Variants in TBCD observed in about 807,000 individuals in gnomAD.
TBCD encodes the protein tubulin folding cofactor D.
Under a neutral mutation model 169.3 loss-of-function variants are expected in TBCD, and 105 were observed. That is an observed-to-expected ratio of 0.62 (90% CI 0.53 to 0.73). The LOEUF (loss-of-function observed/expected upper bound fraction) is 0.73. Ranked by LOEUF, TBCD falls within the 30% of genes least tolerant of loss-of-function variation. The pLI is 0.00. For synonymous variants in TBCD, 700 were observed against 643.9 expected, an observed-to-expected ratio of 1.09 and a Z score of -1.32; for missense variants, 1,444 against 1,600.1, an observed-to-expected ratio of 0.90 and a Z score of 1.66.
chr17:82,914,516 G>A (rs913341962), intron 23 of TBCD, among the ~76,000 whole-genome samples: 2 of 152,188 alleles, frequency 1.3e-5, no homozygotes, highest in African/African-American at 2.4e-5. Flanking sequence ...GCTGGAGTGC[G>A]GTGTTTGCAC....
At chr17:82,896,615 G>A (rs914160300) in intron 17 of TBCD, among the ~76,000 whole-genome samples, 1 of 151,890 alleles carries the variant, frequency 6.6e-6, no homozygotes, top group South Asian at 2.1e-4. Flanking sequence ...ACAGGCACAC[G>A]CCACCACGCC....
At chr17:82,919,434 T>C (rs536035409) in intron 23 of TBCD, among the ~76,000 whole-genome samples, 48 of 152,244 alleles carry the variant, frequency 3.2e-4, no homozygotes, top group African/African-American at 1.1e-3. Flanking sequence ...AGAATAAACG[T>C]CTGTTCTACA....
chr17:82,910,297 G>A lies in TBCD; in HGVS notation c.2006+990G>A, dbSNP rs150187402. 3.8e-3 allele frequency among the ~76,000 whole-genome samples: 581 copies of A among 152,320 alleles called. 5 individuals are homozygous for A. The highest frequency in any genetic ancestry group is 0.014 in the African/African-American group (565 of 41,560). ...TCGGCTCTGAACGTGGGCCCTCTGGGTGAGTAGAGGCCTCTCGCTGCTGCT... is the reference window on the plus strand; with the variant it reads ...TCGGCTCTGAACGTGGGCCCTCTGGATGAGTAGAGGCCTCTCGCTGCTGCT... On this transcript the variant is annotated intron_variant, in intron 22 of 38. Transcript: ENST00000355528.
chr17:82,828,870 G>C (rs911213201), intron 13 of TBCD, among the ~76,000 whole-genome samples: 6 of 145,206 alleles, frequency 4.1e-5, no homozygotes, highest in African/African-American at 1.5e-4. Flanking sequence ...ATGTACACAT[G>C]CACACTAACA....
chr17:82,795,671 T>A, intron 7 of TBCD: 1 of 915,042 alleles, frequency 1.1e-6, no homozygotes, highest in Non-Finnish European at 1.3e-6. Context: ...GTGGCATCAG[T>A]GACAGCCGCA....
intron 11 of TBCD, among the ~76,000 whole-genome samples, chr17:82,809,192 C>T (rs1467056404): frequency 6.6e-6 from 1 of 152,060 alleles, no homozygotes; most frequent in Non-Finnish European, 1.5e-5. Context: ...CAGGCCTTCC[C>T]AGTGTCCTTC....
In TBCD at chr17:82,766,281, A is replaced by G. The variant is rs757905191; in HGVS notation, c.348A>G (p.Lys116=). The G allele has an allele frequency of 2.0e-5, 32 of 1,611,834 alleles. No individual in the cohort carries two copies. In the South Asian group the frequency reaches 3.1e-4, roughly 16 times the overall value. ...TTATTTGATAGGTTCGAGGCTATAA[A>G]ACATTTCTTCGTTTATTTCCTCATG... ...LYIITKVRGY[K]TFLRLFPHEV... is the part of the protein sequence containing the mutation. Residue 116 remains lysine, a synonymous_variant, in exon 4 of 39, where the codon AAA becomes AAG. Transcript: ENST00000355528.
intron 8 of TBCD, among the ~76,000 whole-genome samples, chr17:82,800,087 C>A (rs1268012621): frequency 6.6e-6 from 1 of 150,476 alleles, no homozygotes; most frequent in East Asian, 2.0e-4. Context: ...CCTCACCTAA[C>A]TCTCAGCTCT....
At chr17:82,940,828 G>T (rs903229770) in intron 37 of TBCD, among the ~76,000 whole-genome samples, 17 of 152,312 alleles carry the variant, frequency 1.1e-4, no homozygotes, top group African/African-American at 3.9e-4. Flanking sequence ...GAAGAAGCCA[G>T]GTGTCCCGAG....
At chr17:82,771,077 C>T (rs1338729755) in intron 5 of TBCD, among the ~76,000 whole-genome samples, 4 of 149,302 alleles carry the variant, frequency 2.7e-5, no homozygotes, top group Non-Finnish European at 4.4e-5. Context: ...AAAGCCTGCC[C>T]CAGAAAAAAA....
At position 82,915,133 on chromosome 17, in the gene TBCD, G is replaced by A. The variant is rs933478837; in HGVS notation, c.2038+3344G>A. Among the ~76,000 whole-genome samples, 1 of 152,128 alleles carries A rather than the reference G, an allele frequency of 6.6e-6. No individual in the cohort carries two copies. Among genetic ancestry groups the A allele is most frequent in the African/African-American group, 2.4e-5 (1 of 41,426 alleles). On this transcript the variant is annotated intron_variant, in intron 23 of 38. Transcript: ENST00000355528. This position sits in a 1 kb window ranked among gnomAD's most constrained non-coding sequence, Gnocchi z 4.3. Reference sequence around the variant, plus strand: ...TCTGCGGGTTCACGGGCTACATGTGGGAGACGGGGAGGGGCTGCTGGTCAC... The same window carrying A: ...TCTGCGGGTTCACGGGCTACATGTGAGAGACGGGGAGGGGCTGCTGGTCAC...
intron 13 of TBCD, among the ~76,000 whole-genome samples, chr17:82,844,617 TC>T (rs527947106): frequency 9.2e-5 from 14 of 152,114 alleles, no homozygotes; most frequent in Non-Finnish European, 1.8e-4. Context: ...ACTTCCAGGC[TC>T]CTCCGTGGTC....
chr17:82,780,499 C>T (rs978865208), intron 6 of TBCD, among the ~76,000 whole-genome samples: 1 of 151,868 alleles, frequency 6.6e-6, no homozygotes, highest in East Asian at 2.0e-4. Flanking sequence ...GTGGCGTGCG[C>T]TTGTAGTCCC....
intron 1 of TBCD, among the ~76,000 whole-genome samples, chr17:82,753,640 G>C (rs1185194304): frequency 6.8e-6 from 1 of 146,844 alleles, no homozygotes; most frequent in Non-Finnish European, 1.5e-5. Context: ...ATTTTTAGTA[G>C]AGGGGGTTTC....
In TBCD at chr17:82,893,937, C is replaced by T. The variant is rs371227232; in HGVS notation, c.1649+305C>T. ...CTCTGCTTATGATTTTTCTCCTGGT[C>T]GCCCCGTTTTACCCGTGCTGGTTCT... On this transcript the variant is annotated intron_variant, in intron 17 of 38. Transcript: ENST00000355528. Among the ~76,000 whole-genome samples, 10 of 152,214 alleles carry T rather than the reference C, an allele frequency of 6.6e-5. No individual in the cohort carries two copies. In the East Asian group the frequency reaches 9.6e-4, roughly 15 times the overall value.
chr17:82,752,510 G>A (rs2047152982), intron 1 of TBCD, 133 bp downstream of exon 1: 1 of 714,812 alleles, frequency 1.4e-6, no homozygotes, highest in Non-Finnish European at 1.8e-6. Context: ...GCGGTCCCGC[G>A]GGCCGTGGTG....
intron 15 of TBCD, among the ~76,000 whole-genome samples, chr17:82,887,092 C>T (rs932288935): frequency 6.6e-6 from 1 of 151,192 alleles, no homozygotes; most frequent in South Asian, 2.1e-4. Context: ...TGAGCCAACC[C>T]ACCAGTCTTA....
chr17:82,929,476 C>T lies in TBCD; in HGVS notation c.2967C>T (p.Ser989=), dbSNP rs765738991. 6 of 1,608,954 alleles carry T rather than the reference C, an allele frequency of 3.7e-6. No homozygotes were observed. The highest frequency in any genetic ancestry group is 5.1e-6 in the Non-Finnish European group (6 of 1,179,864). ...ACGTCCTGCTGGGGCTAGTCGTGTC[C>T]CTGGGCGGCTTGACGGAGTCGACGG... ...RYHVLLGLVV[S]LGGLTESTIR... is the part of the protein sequence containing the mutation. The change falls in exon 32 of 39, where the codon TCC becomes TCT. Residue 989 remains serine (S), a synonymous_variant. Coordinates refer to ENST00000355528, the MANE Select transcript of TBCD (RefSeq NM_005993.5).
At chr17:82,862,663 T>C (rs1006040552) in intron 13 of TBCD, among the ~76,000 whole-genome samples, 5 of 152,214 alleles carry the variant, frequency 3.3e-5, no homozygotes, top group Non-Finnish European at 5.9e-5. Flanking sequence ...TCTAAGCACA[T>C]GATTTATCTT....
Sources: allele counts gnomAD v4.1 joint callset (sites outside exome capture counted in the v4.1 genomes callset), GRCh38; gene constraint gnomAD v4.1.1; non-coding constraint Gnocchi (gnomAD v3.1); transcripts MANE v1.5; gene names NCBI Gene and HGNC (gene_info 2026-07-23, HGNC 2026-07-21).